The following MAD1L1 variants were observed in gnomAD, a reference collection of about 807,000 sequenced individuals.
MAD1L1 encodes the protein mitotic arrest deficient 1 like 1, also known as mitotic spindle assembly checkpoint protein MAD1.
A neutral mutation model predicts 96.9 loss-of-function variants in MAD1L1; 95 were observed. That is an observed-to-expected ratio of 0.98 (90% CI 0.83 to 1.16). The LOEUF is 1.16. Among genes scored for constraint, MAD1L1 ranks in the 50% most tolerant of loss-of-function variants. The pLI is 0.00. For synonymous variants in MAD1L1, 473 were observed against 396.6 expected, an observed-to-expected ratio of 1.19 and a Z score of -2.29; for missense variants, 1,007 against 954.4, an observed-to-expected ratio of 1.06 and a Z score of -0.73.
At chr7:2,044,161 C>T (rs1480570160) in intron 12 of MAD1L1, among the ~76,000 whole-genome samples, 1 of 152,254 alleles carries the variant, frequency 6.6e-6, no homozygotes, top group African/African-American at 2.4e-5. Flanking sequence ...CGAATGCTCA[C>T]AGGACAGAGG....
intron 16 of MAD1L1, 102 bp from the exon 17 acceptor site, chr7:1,936,999 G>T (rs2280549): frequency 2.3e-6 from 2 of 887,428 alleles, no homozygotes; most frequent in South Asian, 3.2e-5. Flanking sequence ...CACACAGCAC[G>T]GGTCACACAC....
intron 15 of MAD1L1, among the ~76,000 whole-genome samples, chr7:1,976,012 C>T (rs1480127065): frequency 6.6e-6 from 1 of 152,096 alleles, no homozygotes; most frequent in Non-Finnish European, 1.5e-5. Context: ...GCTGAAAGGG[C>T]TCCTCAGCTG....
Position 1,965,178 on chromosome 7 carries a change from G to C in MAD1L1, c.1506-7459C>G, listed in dbSNP as rs540698800. On this transcript the variant is annotated intron_variant, in intron 15 of 18. Coordinates refer to ENST00000265854, the MANE Select transcript of MAD1L1 (RefSeq NM_001013836.2). Reference sequence around the variant, plus strand: ...GGAACCCCACCAGAGAGGCTGGCGAGTGGGGTACGTAGGACCCCCAGCCCT... The same window carrying C: ...GGAACCCCACCAGAGAGGCTGGCGACTGGGGTACGTAGGACCCCCAGCCCT... 1.5e-3 allele frequency among the ~76,000 whole-genome samples: 227 copies of C among 152,368 alleles called. 1 individual carries two copies. The highest frequency in any genetic ancestry group is 8.1e-3 in the East Asian group (42 of 5,188).
Position 2,219,314 on chromosome 7 carries a change from C to T in MAD1L1, c.596+18G>A, listed in dbSNP as rs778276431. 5.2e-6 allele frequency: 8 copies of T among 1,549,214 alleles called. No individual in the cohort carries two copies. Among genetic ancestry groups the T allele is most frequent in the Middle Eastern group, 2.1e-4 (1 of 4,774 alleles). On this transcript the variant is annotated intron_variant, in intron 6 of 18. Transcript: ENST00000265854. ...ACACGTGACCCGACCCCCGACCCCA[C>T]ACCCTGGCCCCGCCCACTTGTGTTG... is the stretch of plus-strand genomic sequence containing the variant.
At chr7:2,215,785 T>C (rs754597543) in intron 9 of MAD1L1, 100 bp downstream of exon 9, 4 of 1,058,428 alleles carry the variant, frequency 3.8e-6, no homozygotes, top group Non-Finnish European at 5.8e-6. Context: ...GCAACCTCCA[T>C]GTTGTAGGTG....
At chr7:1,903,948 C>T (rs1296359297) in intron 17 of MAD1L1, among the ~76,000 whole-genome samples, 798 of 38,966 alleles carry the variant, frequency 0.02, 2 homozygotes, top group Middle Eastern at 0.038. Context: ...CAGTGGCCTA[C>T]GGAAGACACT....
chr7:2,145,679 G>A (rs896124692), intron 11 of MAD1L1, among the ~76,000 whole-genome samples: 2 of 152,142 alleles, frequency 1.3e-5, no homozygotes, highest in Non-Finnish European at 2.9e-5. Context: ...TCTGTTTCCT[G>A]CACCAGGTTG....
intron 15 of MAD1L1, among the ~76,000 whole-genome samples, chr7:1,962,051 ATACCGTTCTCACGTGT>A (rs1172432723): frequency 6.6e-6 from 1 of 151,492 alleles, no homozygotes; most frequent in East Asian, 1.9e-4. Context: ...GGTTTCCCCC[ATACCGTTCTCACGTGT>A]TGTGGGAGTG....
chr7:2,225,311 G>C (rs530107813), intron 4 of MAD1L1, 99 bp downstream of exon 4: 22 of 1,235,554 alleles, frequency 1.8e-5, no homozygotes, highest in Non-Finnish European at 2.4e-5. Context: ...CTTGCTCCCA[G>C]GGACTAGGAT....
chr7:2,082,435 G>C (rs1036121119), intron 11 of MAD1L1, among the ~76,000 whole-genome samples: 3 of 152,190 alleles, frequency 2.0e-5, no homozygotes, highest in Non-Finnish European at 2.9e-5. Context: ...GAAGGAGCCG[G>C]GCCTGGGAGC....
At chr7:1,870,720 C>G (rs1176565279) in intron 18 of MAD1L1, among the ~76,000 whole-genome samples, 39 of 138,328 alleles carry the variant, frequency 2.8e-4, no homozygotes, top group African/African-American at 7.5e-4. Context: ...ACACTGAACC[C>G]ACCGTAACAC....
Position 2,149,145 on chromosome 7 carries a change from G to A in MAD1L1, c.1073+7C>T, listed in dbSNP as rs1584430845. Reference sequence around the variant, plus strand: ...TCCCCACAAGCACCCTGGGCGGCCAGGTCTACCTGCTGGTGACGGCGCTGT... The same window carrying A: ...TCCCCACAAGCACCCTGGGCGGCCAAGTCTACCTGCTGGTGACGGCGCTGT... On this transcript the variant is annotated splice_region_variant and intron_variant, in intron 11 of 18. Coordinates refer to ENST00000265854, the MANE Select transcript of MAD1L1 (RefSeq NM_001013836.2). 6.2e-7 allele frequency: 1 copy of A among 1,613,922 alleles called. No individual in the cohort carries two copies. Among genetic ancestry groups the A allele is most frequent in the African/African-American group, 1.3e-5 (1 of 75,048 alleles).
chr7:2,090,332 G>A (rs17132161), intron 11 of MAD1L1, among the ~76,000 whole-genome samples: 2,965 of 152,276 alleles, frequency 0.019, 101 homozygotes, highest in African/African-American at 0.068. Flanking sequence ...TCAGGCAAGC[G>A]TCCTGAACAC....
intron 12 of MAD1L1, among the ~76,000 whole-genome samples, chr7:2,055,663 C>G (rs961446439): frequency 1.5e-5 from 2 of 133,628 alleles, no homozygotes; most frequent in Admixed American, 7.6e-5. Flanking sequence ...CAGAGAGACC[C>G]TGTCTCAAAA....
intron 16 of MAD1L1, among the ~76,000 whole-genome samples, chr7:1,947,472 G>C (rs958348915): frequency 5.9e-5 from 9 of 152,268 alleles, no homozygotes; most frequent in African/African-American, 2.2e-4. Flanking sequence ...GAAGGAAATG[G>C]CTCACGGAGG....
chr7:1,978,420 C>T (rs557541684), intron 15 of MAD1L1, among the ~76,000 whole-genome samples: 1 of 152,348 alleles, frequency 6.6e-6, no homozygotes, highest in South Asian at 2.1e-4. Context: ...GAGGGGCTCC[C>T]AGCACCAATG....
chr7:1,909,395 T>C (rs936273961), intron 17 of MAD1L1, among the ~76,000 whole-genome samples: 4 of 152,254 alleles, frequency 2.6e-5, no homozygotes, highest in African/African-American at 7.2e-5. Context: ...ATTTCAGTTT[T>C]ACATTTTTAA....
At chr7:1,940,587 G>C (rs1490884078) in intron 16 of MAD1L1, 6 of 152,186 alleles carry the variant, frequency 3.9e-5, no homozygotes, top group Non-Finnish European at 7.3e-5. Flanking sequence ...GGGTGGGGCC[G>C]CCTCCTGCGG....
chr7:1,953,635 G>A (rs1161391566), intron 16 of MAD1L1, among the ~76,000 whole-genome samples: 1 of 152,292 alleles, frequency 6.6e-6, no homozygotes, highest in Non-Finnish European at 1.5e-5. Flanking sequence ...AAGTGGCGCG[G>A]CGGCTGGGCG....
Sources: allele counts gnomAD v4.1 joint callset (sites outside exome capture counted in the v4.1 genomes callset), GRCh38; gene constraint gnomAD v4.1.1; transcripts MANE v1.5; gene names NCBI Gene and HGNC (gene_info 2026-07-23, HGNC 2026-07-21).